F2RL2: variants seen among roughly 807,000 people sequenced by gnomAD.
The protein encoded by F2RL2 is proteinase-activated receptor 3.
Under a neutral mutation model 4.3 loss-of-function variants are expected in F2RL2, and 4 were observed. That is an observed-to-expected ratio of 0.93 (90% CI 0.46 to 2.12). The LOEUF is 2.12. Ranked by LOEUF, F2RL2 falls within the 30% of genes most tolerant of loss-of-function variation. The pLI is 0.02. For missense variants in F2RL2, 408 were observed against 449.3 expected, an observed-to-expected ratio of 0.91 and a Z score of 0.83; for synonymous variants, 166 against 170.9, an observed-to-expected ratio of 0.97 and a Z score of 0.22.
At chr5:76,621,363 T>G (rs1749654459) in intron 1 of F2RL2, among the ~76,000 whole-genome samples, 1 of 152,178 alleles carries the variant, frequency 6.6e-6, no homozygotes, top group South Asian at 2.1e-4. Flanking sequence ...AAGAAAAATT[T>G]GGGAGGCAGC....
rs1157697341 is a variant in F2RL2 at position 76,615,746 on chromosome 5, C to T, written c.*1836G>A. 1 of 83,404 alleles carries T rather than the reference C, an allele frequency of 1.2e-5. No homozygotes were observed. The highest frequency in any genetic ancestry group is 3.1e-5 in the Non-Finnish European group (1 of 32,570). The allele number at this position is 83,404 out of a possible 1,614,324, so 5.2% of individuals were successfully genotyped here. A position where few individuals can be genotyped will look rare whatever the true frequency, so the allele number is the denominator to read the frequency against. On this transcript the variant is annotated 3_prime_UTR_variant, in exon 2 of 2. Coordinates refer to ENST00000296641, the MANE Select transcript of F2RL2 (RefSeq NM_004101.4). ...TAAGGGAAAAATAGTCATTTACTTA[C>T]AGGAATATAATGGGTATTAATAACA...
chr5:76,615,647 C>T lies in F2RL2; in HGVS notation c.*1935G>A, dbSNP rs78370291. On this transcript the variant is annotated 3_prime_UTR_variant, in exon 2 of 2. Coordinates refer to ENST00000296641, the MANE Select transcript of F2RL2 (RefSeq NM_004101.4). Reference sequence around the variant, plus strand: ...ATTCACTCTTTACCACTAATATCTTCCCTGCTGTCTAATCACTAATATCTT... The same window carrying T: ...ATTCACTCTTTACCACTAATATCTTTCCTGCTGTCTAATCACTAATATCTT... 6.6e-6 allele frequency: 1 copy of T among 152,298 alleles called. No individual in the cohort carries two copies. Among genetic ancestry groups the T allele is most frequent in the East Asian group, 1.9e-4 (1 of 5,186 alleles). 9.4% of individuals were successfully genotyped at this position (152,298 alleles called of 1,614,324 possible).
chr5:76,619,772 C>A (rs942940039), intron 1 of F2RL2, among the ~76,000 whole-genome samples: 2 of 152,258 alleles, frequency 1.3e-5, no homozygotes, highest in Non-Finnish European at 2.9e-5. Context: ...CCCGCCTCGG[C>A]CACCCAAAGT....
At position 76,617,687 on chromosome 5, in the gene F2RL2, A is replaced by G; in HGVS notation, c.1020T>C (p.Tyr340=). ...YNNTDGLYFI[Y]LIALCLGSLN... ...GACTACCCAGGCACAAAGCTATGAG[A>G]TATATAAAATATAAGCCATCAGTGT... is the stretch of plus-strand genomic sequence containing the variant. The change falls in exon 2 of 2, where the codon TAT becomes TAC. Residue 340 remains tyrosine, a synonymous_variant. Transcript: ENST00000296641. 1 of 1,614,078 alleles carries G rather than the reference A, an allele frequency of 6.2e-7. No homozygotes were observed.
chr5:76,622,123 C>T (rs1296098014), intron 1 of F2RL2, among the ~76,000 whole-genome samples: 2 of 152,088 alleles, frequency 1.3e-5, no homozygotes, highest in Non-Finnish European at 2.9e-5. Context: ...TTCTCCCCCA[C>T]CCCATGGAAG....
In F2RL2 at chr5:76,617,429, CA is replaced by C. The variant is rs1332484827; in HGVS notation, c.*152del. On this transcript the variant is annotated 3_prime_UTR_variant, in exon 2 of 2. Transcript: ENST00000296641. ...ATAAAGTGAGACTCAGTCTCAAAAACAAACAAACAAACTACTAATGCTTTTG... is the reference window on the plus strand; with the variant it reads ...ATAAAGTGAGACTCAGTCTCAAAAACAACAAACAAACTACTAATGCTTTTG... 1 of 623,454 alleles carries C rather than the reference CA, an allele frequency of 1.6e-6. No homozygotes were observed. Among genetic ancestry groups the C allele is most frequent in the Non-Finnish European group, 2.7e-6 (1 of 367,910 alleles). The allele number at this position is 623,454 out of a possible 1,614,324, so 38.6% of individuals were successfully genotyped here. A position where few individuals can be genotyped will look rare whatever the true frequency, so the allele number is the denominator to read the frequency against.
rs1226480073 is a variant in F2RL2, at chr5:76,617,829, T to A, written c.878A>T (p.Asp293Val). ...CTTAACATACCACAACCATCTATGA[T>A]CGTATGCATTAAGTGTCCGGATGAT... ...AAIIRTLNAY[D>V]HRWLWYVKAS... is the part of the protein sequence containing the mutation. Residue 293 changes from aspartate (D) to valine (V), a missense_variant, in exon 2 of 2, where the codon GAT (aspartate) becomes GTT (valine). Physicochemically the swap from Asp to Val is radical, Grantham distance 152. Transcript: ENST00000296641. The A allele has an allele frequency of 2.5e-6, 4 of 1,613,890 alleles. No homozygotes were observed. The highest frequency in any genetic ancestry group is 3.3e-5 in the Admixed American group (2 of 60,002).
At chr5:76,622,154 T>G (rs1749755365) in intron 1 of F2RL2, among the ~76,000 whole-genome samples, 1 of 152,142 alleles carries the variant, frequency 6.6e-6, no homozygotes, top group African/African-American at 2.4e-5. Flanking sequence ...CACTGCCTCT[T>G]TGTTTCCTTC....
rs1345178890 is a variant in F2RL2 at position 76,617,752 on chromosome 5, T to C, written c.955A>G (p.Ile319Val). Residue 319 changes from isoleucine to valine, a missense_variant, in exon 2 of 2, where the codon ATT becomes GTT. Physicochemically the swap from Ile to Val is conservative, Grantham distance 29 (BLOSUM62 3). Transcript: ENST00000296641. The stretch of plus-strand genomic sequence containing the variant: ...TTAGCATGGTGAATAATAAGAATAA[T>C]ATTGCTTGGAGCAAAGCAAATGGTA... ...IFTICFAPSN[I>V]ILIIHHANYY... 8.7e-6 allele frequency: 14 copies of C among 1,613,864 alleles called. No homozygotes were observed. The South Asian group carries it at 1.3e-4, about 15-fold the overall frequency.
intron 1 of F2RL2, among the ~76,000 whole-genome samples, chr5:76,621,905 G>C (rs1749716053): frequency 2.0e-5 from 3 of 152,126 alleles, no homozygotes; most frequent in Admixed American, 1.3e-4. Flanking sequence ...GGCCTCTCAG[G>C]GGTGTCCAAG....
In F2RL2 at chr5:76,617,099, A is replaced by G. The variant is rs1749050841; in HGVS notation, c.*483T>C. 1.9e-5 allele frequency: 3 copies of G among 154,712 alleles called. 1 individual carries two copies. The highest frequency in any genetic ancestry group is 4.0e-4 in the South Asian group (2 of 4,978). The allele number at this position is 154,712 out of a possible 1,614,324, so 9.6% of individuals were successfully genotyped here. A position where few individuals can be genotyped will look rare whatever the true frequency, so the allele number is the denominator to read the frequency against. On this transcript the variant is annotated 3_prime_UTR_variant, in exon 2 of 2. Coordinates refer to ENST00000296641, the MANE Select transcript of F2RL2 (RefSeq NM_004101.4). The stretch of plus-strand genomic sequence containing the variant: ...AAATGTCATTTTCCATAGAGTTGTG[A>G]TATCTTTTCTCCTGCATTAACATTT...
chr5:76,617,360 G>C lies in F2RL2; in HGVS notation c.*222C>G. ...TGGGAGGCTGACCTGGGAGGCAGAGGTTGCAATGAGCCAAGATAGTGCCAC... is the reference window on the plus strand; with the variant it reads ...TGGGAGGCTGACCTGGGAGGCAGAGCTTGCAATGAGCCAAGATAGTGCCAC... On this transcript the variant is annotated 3_prime_UTR_variant, in exon 2 of 2. Transcript: ENST00000296641. 2.3e-6 allele frequency: 1 copy of C among 441,944 alleles called. No individual in the cohort carries two copies. Among genetic ancestry groups the C allele is most frequent in the Non-Finnish European group, 4.0e-6 (1 of 247,724 alleles). 27.4% of individuals were successfully genotyped at this position (441,944 alleles called of 1,614,324 possible).
chr5:76,623,400 A>T lies in F2RL2; in HGVS notation c.-170T>A. The stretch of plus-strand genomic sequence containing the variant: ...AAACTTGCCCTGGTCCTCCGCAGGG[A>T]AAGGATGTAATCCACTCGATGCTTC... On this transcript the variant is annotated 5_prime_UTR_variant, in exon 1 of 2. Coordinates refer to ENST00000296641, the MANE Select transcript of F2RL2 (RefSeq NM_004101.4). The T allele has an allele frequency of 1.5e-6, 1 of 669,672 alleles. No individual in the cohort carries two copies. Among genetic ancestry groups the T allele is most frequent in the Non-Finnish European group, 2.5e-6 (1 of 393,732 alleles). The allele number at this position is 669,672 out of a possible 1,614,324, so 41.5% of individuals were successfully genotyped here. A position where few individuals can be genotyped will look rare whatever the true frequency, so the allele number is the denominator to read the frequency against.
At position 76,623,281 on chromosome 5, in the gene F2RL2, T is replaced by C; in HGVS notation, c.-51A>G. 6.3e-7 allele frequency: 1 copy of C among 1,599,664 alleles called. No individual in the cohort carries two copies. The highest frequency in any genetic ancestry group is 8.6e-7 in the Non-Finnish European group (1 of 1,167,054). ...AAACGTTATGAAATCTGTAAAATCATGGAGCACAATTTCACCTCAGTTCCA... is the reference window on the plus strand; with the variant it reads ...AAACGTTATGAAATCTGTAAAATCACGGAGCACAATTTCACCTCAGTTCCA... On this transcript the variant is annotated 5_prime_UTR_variant, in exon 1 of 2. An upstream start codon of the reference 5' UTR is lost. Coordinates refer to ENST00000296641, the MANE Select transcript of F2RL2 (RefSeq NM_004101.4).
At chr5:76,622,399 T>A (rs181157593) in intron 1 of F2RL2, among the ~76,000 whole-genome samples, 65 of 152,328 alleles carry the variant, frequency 4.3e-4, no homozygotes, top group African/African-American at 1.5e-3. Context: ...TAAGCAATGT[T>A]CCTTTAGAAA....
At chr5:76,623,090 G>T in intron 1 of F2RL2, 77 bp downstream of exon 1, 2 of 1,377,858 alleles carry the variant, frequency 1.5e-6, no homozygotes, top group Non-Finnish European at 1.0e-6. Context: ...GAGATGCAAA[G>T]AAACCTAGGT....
chr5:76,618,333 G>T lies in F2RL2; in HGVS notation c.374C>A (p.Ser125Tyr). 1 of 1,614,174 alleles carries T rather than the reference G, an allele frequency of 6.2e-7. No homozygotes were observed. ...GGTGTAGAATACAGTGGTACAGATG[G>T]ATCTGGTCCTGAAGAAAAGCATCCA... The part of the protein sequence containing the change: ...TLWMLFFRTR[S>Y]ICTTVFYTNL... The change falls in exon 2 of 2, where the codon TCC becomes TAC. Residue 125 changes from serine to tyrosine, a missense_variant. Ser to Tyr is a moderately radical substitution (Grantham distance 144). Transcript: ENST00000296641.
At position 76,617,359 on chromosome 5, in the gene F2RL2, G is replaced by C. The variant is rs1217803430; in HGVS notation, c.*223C>G. On this transcript the variant is annotated 3_prime_UTR_variant, in exon 2 of 2. Transcript: ENST00000296641. ...TTGGGAGGCTGACCTGGGAGGCAGA[G>C]GTTGCAATGAGCCAAGATAGTGCCA... is the stretch of plus-strand genomic sequence containing the variant. 4.5e-6 allele frequency: 2 copies of C among 440,618 alleles called. No individual in the cohort carries two copies. Among genetic ancestry groups the C allele is most frequent in the Admixed American group, 7.6e-5 (2 of 26,440 alleles). The allele number at this position is 440,618 out of a possible 1,614,324, so 27.3% of individuals were successfully genotyped here. A position where few individuals can be genotyped will look rare whatever the true frequency, so the allele number is the denominator to read the frequency against.
intron 1 of F2RL2, among the ~76,000 whole-genome samples, chr5:76,620,055 C>T (rs987221306): frequency 6.6e-6 from 1 of 152,108 alleles, no homozygotes; most frequent in African/African-American, 2.4e-5. Flanking sequence ...GAACACAACC[C>T]CACCAACAGC....
Sources: gnomAD v4.1 joint callset for allele counts (sites outside exome capture counted in the v4.1 genomes callset) on GRCh38, gnomAD v4.1.1 for gene constraint, MANE v1.5 for transcripts, NCBI Gene and HGNC (gene_info 2026-07-23, HGNC 2026-07-21) for gene names.